The following SBK3 variants were observed in gnomAD, a reference collection of about 807,000 sequenced individuals.
The protein encoded by SBK3 is SH3 domain binding kinase family member 3.
In SBK3, 16 loss-of-function variants were observed where a neutral mutation model predicts 12.7. That is an observed-to-expected ratio of 1.26 (90% confidence interval 0.86 to 1.92). The LOEUF (loss-of-function observed/expected upper bound fraction) is 1.92, where lower values mean the gene tolerates loss of function less well. Among genes scored for constraint, SBK3 ranks in the 40% most tolerant of loss-of-function variants. The pLI, the probability that SBK3 is intolerant of heterozygous loss-of-function variation, is 0.00. For missense variants in SBK3, 462 were observed against 481.8 expected (o/e 0.96, Z 0.38); for synonymous variants, 217 against 213.6 (o/e 1.02, Z -0.14).
At position 55,540,715 on chromosome 19, in the gene SBK3, G is replaced by A. The variant is rs533382456; in HGVS notation, c.*131C>T. On this transcript the variant is annotated 3_prime_UTR_variant, in exon 4 of 4. Coordinates refer to ENST00000612221, the MANE Select transcript of SBK3 (RefSeq NM_001199824.2). ...AGAGGAATGCGCGTCCAAGCCCAGCGTTCCGTAGGGAGAGTGCAATGTGTT... is the reference window on the plus strand; with the variant it reads ...AGAGGAATGCGCGTCCAAGCCCAGCATTCCGTAGGGAGAGTGCAATGTGTT... 4.4e-5 allele frequency: 36 copies of A among 810,402 alleles called. No individual in the cohort carries two copies. In the South Asian group the frequency reaches 4.6e-4, roughly 10 times the overall value. 50.2% of individuals were successfully genotyped at this position (810,402 alleles called of 1,614,324 possible).
rs572425526 is a variant in SBK3 at position 55,543,661 on chromosome 19, A to G, written c.399+439T>C. ...CCCCATTATAGCCCATCTCCAACTC[A>G]GTCTATATACACATCCTCAACCGTC... On this transcript the variant is annotated intron_variant, in intron 3 of 3. Transcript: ENST00000612221. Among the ~76,000 whole-genome samples, 4 of 151,972 alleles carry G rather than the reference A, an allele frequency of 2.6e-5. No individual in the cohort carries two copies. The East Asian group carries it at 7.7e-4, about 29-fold the overall frequency.
chr19:55,543,766 C>T (rs1300938692), intron 3 of SBK3, among the ~76,000 whole-genome samples: 1 of 152,096 alleles, frequency 6.6e-6, no homozygotes, highest in African/African-American at 2.4e-5. Context: ...TCAACCCACC[C>T]AACTCCACCC....
chr19:55,544,016 G>T, intron 3 of SBK3, 84 bp downstream of exon 3: 1 of 1,210,500 alleles, frequency 8.3e-7, no homozygotes, highest in South Asian at 1.7e-5. Context: ...CTGATTTGGG[G>T]TCAGAGTTGG....
rs563631333 is a variant in SBK3, at chr19:55,544,276, G to T, written c.223C>A (p.Arg75Ser). The T allele has an allele frequency of 1.3e-6, 2 of 1,535,936 alleles. No homozygotes were observed. The highest frequency in any genetic ancestry group is 1.4e-5 in the African/African-American group (1 of 73,132). Reference protein sequence around the residue: ...GGPAVALKLLRRDLVLRSTFL... With the variant: ...GGPAVALKLLSRDLVLRSTFL... ...GTGCTTCTCAGGACCAAATCCCGAC[G>T]CAGGAGCTTCAGAGCCACAGCTGGA... is the stretch of plus-strand genomic sequence containing the variant. The change falls in exon 3 of 4, where the codon CGT becomes AGT. Residue 75 changes from arginine (R) to serine (S), a missense_variant. Physicochemically the swap from Arg to Ser is moderately radical, Grantham distance 110. Coordinates refer to ENST00000612221, the MANE Select transcript of SBK3 (RefSeq NM_001199824.2).
At position 55,541,300 on chromosome 19, in the gene SBK3, CAG is replaced by C. The variant is rs776563705; in HGVS notation, c.624_625del (p.Cys209SerfsTer42). ...CAGGGTGTCGGGCGGTAGCAGGAGA[CAG>C]AGCTCAGGCGGTGCCGTGGGCAGAG... On this transcript the variant is annotated frameshift_variant, in exon 4 of 4. Coordinates refer to ENST00000612221, the MANE Select transcript of SBK3 (RefSeq NM_001199824.2). LOFTEE classifies it low-confidence loss of function (END_TRUNC). This position sits in a 1 kb window ranked among gnomAD's most constrained non-coding sequence, Gnocchi z 5.3. 6 of 1,535,620 alleles carry C rather than the reference CAG, an allele frequency of 3.9e-6. No homozygotes were observed. In the South Asian group the frequency reaches 6.0e-5, roughly 15 times the overall value.
At position 55,544,864 on chromosome 19, in the gene SBK3, T is replaced by C. The variant is rs912682299; in HGVS notation, c.131A>G (p.His44Arg). The C allele has an allele frequency of 1.3e-6, 2 of 1,533,848 alleles. No homozygotes were observed. The highest frequency in any genetic ancestry group is 2.7e-5 in the African/African-American group (2 of 72,898). ...TPVRSLRDQY[H>R]LIRKLGSGSY... ...GCCGGAGCCCAGCTTCCGGATGAGG[T>C]GGTACTGGTCCCGAAGGCTCCTCAC... The change falls in exon 2 of 4, where the codon CAC becomes CGC. Residue 44 changes from histidine to arginine, a missense_variant. By Grantham distance (29) the His-to-Arg change is conservative (BLOSUM62 0). Transcript: ENST00000612221.
intron 2 of SBK3, 30 bp from the exon 3 acceptor site, chr19:55,544,332 C>G: frequency 6.6e-7 from 1 of 1,506,708 alleles, no homozygotes; most frequent in Non-Finnish European, 8.9e-7. Context: ...GAGGGACACT[C>G]AGGCGGCTCC....
In SBK3 at chr19:55,543,340, C is replaced by CCACT. The variant is rs1568496685; in HGVS notation, c.399+759_399+760insAGTG. Among the ~76,000 whole-genome samples the CCACT allele has an allele frequency of 4.6e-4, 52 of 114,160 alleles. 1 individual carries two copies. The highest frequency in any genetic ancestry group is 1.7e-3 in the African/African-American group (51 of 29,634). 74.9% of individuals were successfully genotyped at this position (114,160 alleles called of 152,430 possible). On this transcript the variant is annotated intron_variant, in intron 3 of 3. Transcript: ENST00000612221. ...TCCATCCATCCATCCATCCACCCAC[C>CCACT]CACCCACCCATCCATCCACCCACCC...
chr19:55,540,688 G>A lies in SBK3; in HGVS notation c.*158C>T, dbSNP rs1346988331. The A allele has an allele frequency of 2.9e-6, 2 of 699,462 alleles. No individual in the cohort carries two copies. The highest frequency in any genetic ancestry group is 3.5e-5 in the African/African-American group (2 of 57,126). The allele number at this position is 699,462 out of a possible 1,614,324, so 43.3% of individuals were successfully genotyped here. A position where few individuals can be genotyped will look rare whatever the true frequency, so the allele number is the denominator to read the frequency against. On this transcript the variant is annotated 3_prime_UTR_variant, in exon 4 of 4. Coordinates refer to ENST00000612221, the MANE Select transcript of SBK3 (RefSeq NM_001199824.2). ...AGCTGGGCTCTTGGGTCCTCAGTTGGAAGAGGAATGCGCGTCCAAGCCCAG... is the reference window on the plus strand; with the variant it reads ...AGCTGGGCTCTTGGGTCCTCAGTTGAAAGAGGAATGCGCGTCCAAGCCCAG...
At chr19:55,542,882 A>ACAC (rs1486128763) in intron 3 of SBK3, among the ~76,000 whole-genome samples, 1 of 145,312 alleles carries the variant, frequency 6.9e-6, no homozygotes, top group African/African-American at 2.6e-5. Flanking sequence ...CCATCCACCC[A>ACAC]CCAATCCTTT....
chr19:55,543,771 C>G (rs1382074046), intron 3 of SBK3, among the ~76,000 whole-genome samples: 2 of 152,112 alleles, frequency 1.3e-5, no homozygotes, highest in African/African-American at 4.8e-5. Flanking sequence ...CCACCCAACT[C>G]CACCCATGCC....
Position 55,545,155 on chromosome 19 carries a change from A to C in SBK3, c.46-206T>G, listed in dbSNP as rs890373775. The C allele has an allele frequency of 6.9e-6, 4 of 581,832 alleles. No homozygotes were observed. The African/African-American group carries it at 7.6e-5, about 11-fold the overall frequency. 36.0% of individuals were successfully genotyped at this position (581,832 alleles called of 1,614,324 possible). A position where few individuals can be genotyped will look rare whatever the true frequency, so the allele number is the denominator to read the frequency against. On this transcript the variant is annotated intron_variant, in intron 1 of 3. Transcript: ENST00000612221. The surrounding 1 kb of genome is among the most constrained non-coding windows in gnomAD (Gnocchi z 4.4). ...TGGAGAGGTTAGGGGTCACTGCCAC[A>C]GAGGCCCCGCCTGCCCCTGTCTGTG...
chr19:55,540,791 G>T lies in SBK3; in HGVS notation c.*55C>A. On this transcript the variant is annotated 3_prime_UTR_variant, in exon 4 of 4. Coordinates refer to ENST00000612221, the MANE Select transcript of SBK3 (RefSeq NM_001199824.2). ...TGTCTCTCCATCCAGGTGGCCCTGG[G>T]GGCTGGGGGAAGGGCCTCTGGCCCA... 6.8e-7 allele frequency: 1 copy of T among 1,463,848 alleles called. No individual in the cohort carries two copies. Among genetic ancestry groups the T allele is most frequent in the Non-Finnish European group, 9.3e-7 (1 of 1,080,928 alleles). 90.7% of individuals were successfully genotyped at this position (1,463,848 alleles called of 1,614,324 possible).
rs985320833 is a variant in SBK3, at chr19:55,541,237, AC to A, written c.688del (p.Val230CysfsTer30). The A allele has an allele frequency of 6.5e-7, 1 of 1,535,754 alleles. No homozygotes were observed. The highest frequency in any genetic ancestry group is 8.7e-7 in the Non-Finnish European group (1 of 1,146,870). On this transcript the variant is annotated frameshift_variant, in exon 4 of 4. Transcript: ENST00000612221. LOFTEE classifies it low-confidence loss of function (END_TRUNC). The surrounding 1 kb of genome is among the most constrained non-coding windows in gnomAD (Gnocchi z 5.3). ...GGCAGTGGCAGCACAGAAGAGAAGC[AC>A]CCCCAGGCCCCAGGAGTCCACGGCT... ...RPAVDSWGLG[V>X]LLFCAATACF...
chr19:55,544,723 C>G (rs2123494713), intron 2 of SBK3, 76 bp downstream of exon 2: 1 of 1,370,260 alleles, frequency 7.3e-7, no homozygotes. Flanking sequence ...CCTGGGAATG[C>G]CCCCTGTCTG....
At position 55,544,093 on chromosome 19, in the gene SBK3, G is replaced by T; in HGVS notation, c.399+7C>A. The T allele has an allele frequency of 6.8e-7, 1 of 1,470,546 alleles. No homozygotes were observed. The highest frequency in any genetic ancestry group is 9.0e-7 in the Non-Finnish European group (1 of 1,114,406). 91.1% of individuals were successfully genotyped at this position (1,470,546 alleles called of 1,614,324 possible). On this transcript the variant is annotated splice_region_variant and intron_variant, in intron 3 of 3. Coordinates refer to ENST00000612221, the MANE Select transcript of SBK3 (RefSeq NM_001199824.2). ...GCACTCCCAACCTTTGTCCCTCGTG[G>T]CCTCACCCTTTCCTGCAGCATCCCG...
chr19:55,545,487 C>T lies in SBK3; in HGVS notation c.45+12G>A, dbSNP rs1327024660. On this transcript the variant is annotated intron_variant, in intron 1 of 3. Coordinates refer to ENST00000612221, the MANE Select transcript of SBK3 (RefSeq NM_001199824.2). The surrounding 1 kb of genome is among the most constrained non-coding windows in gnomAD (Gnocchi z 4.4). ...CTCTCTCTGTCTTCCTCCCCTGGCT[C>T]CCGTCTCTCACCTCTGGGTCCCCAT... is the stretch of plus-strand genomic sequence containing the variant. 2.0e-6 allele frequency: 3 copies of T among 1,530,160 alleles called. No individual in the cohort carries two copies. The highest frequency in any genetic ancestry group is 2.6e-6 in the Non-Finnish European group (3 of 1,142,078). The allele number at this position is 1,530,160 out of a possible 1,614,324, so 94.8% of individuals were successfully genotyped here.
intron 3 of SBK3, among the ~76,000 whole-genome samples, chr19:55,543,636 C>A (rs1423657664): frequency 6.6e-6 from 1 of 151,968 alleles, no homozygotes; most frequent in Non-Finnish European, 1.5e-5. Flanking sequence ...CTAGAAGAAA[C>A]CCCATTATAG....
chr19:55,545,440 C>T lies in SBK3; in HGVS notation c.45+59G>A. 6 of 1,376,300 alleles carry T rather than the reference C, an allele frequency of 4.4e-6. No homozygotes were observed. The highest frequency in any genetic ancestry group is 5.0e-6 in the Non-Finnish European group (5 of 1,005,522). The allele number at this position is 1,376,300 out of a possible 1,614,324, so 85.3% of individuals were successfully genotyped here. A position where few individuals can be genotyped will look rare whatever the true frequency, so the allele number is the denominator to read the frequency against. ...CTTCCTCTCTCTCCCCGTGTTGCCT[C>T]CTGCCTCTCTCTCCTTCTTTTCTCT... On this transcript the variant is annotated intron_variant, in intron 1 of 3. Transcript: ENST00000612221. This position sits in a 1 kb window ranked among gnomAD's most constrained non-coding sequence, Gnocchi z 4.4.
Sources: allele counts gnomAD v4.1 joint callset (sites outside exome capture counted in the v4.1 genomes callset), GRCh38; gene constraint gnomAD v4.1.1; non-coding constraint Gnocchi (gnomAD v3.1); transcripts MANE v1.5; gene names NCBI Gene and HGNC (gene_info 2026-07-23, HGNC 2026-07-21).